Variants in PLEKHM1 observed in about 807,000 individuals in gnomAD.
PLEKHM1 encodes the protein pleckstrin homology domain-containing family M member 1.
PLEKHM1 carries 28 observed loss-of-function variants against 94.3 expected under a neutral mutation model. The ratio of observed to expected loss-of-function variants is 0.30; its 90% CI spans 0.22 to 0.41. The LOEUF is 0.41. Ranked by LOEUF, PLEKHM1 falls within the 10% of genes least tolerant of loss-of-function variation. PLEKHM1 has a pLI of 1.00. For synonymous variants in PLEKHM1, 424 were observed against 581.2 expected, an observed-to-expected ratio of 0.73 and a Z score of 3.89; for missense variants, 907 against 1,358.6, an observed-to-expected ratio of 0.67 and a Z score of 5.22.
chr17:45,480,710 C>T (rs2051924883), intron 2 of PLEKHM1, among the ~76,000 whole-genome samples: 1 of 152,214 alleles, frequency 6.6e-6, no homozygotes, highest in Admixed American at 6.5e-5. Context: ...TGACTTATTT[C>T]ACTTAGCATA....
Position 45,444,062 on chromosome 17 carries a change from C to T in PLEKHM1, c.2837+1408G>A, listed in dbSNP as rs2050527530. On this transcript the variant is annotated intron_variant, in intron 9 of 11. Coordinates refer to ENST00000430334, the MANE Select transcript of PLEKHM1 (RefSeq NM_014798.3). This position sits in a 1 kb window ranked among gnomAD's most constrained non-coding sequence, Gnocchi z 5.0. ...AGTACCCCTTGAGAGCCCCTGGGGA[C>T]CTGCTCGAGGCACACCCTGGCCCTG... Among the ~76,000 whole-genome samples, 4 of 152,248 alleles carry T rather than the reference C, an allele frequency of 2.6e-5. No homozygotes were observed. The South Asian group carries it at 8.3e-4, about 32-fold the overall frequency.
At position 45,445,343 on chromosome 17, in the gene PLEKHM1, A is replaced by G. The variant is rs2050570446; in HGVS notation, c.2837+127T>C. 4.0e-6 allele frequency: 3 copies of G among 743,528 alleles called. No homozygotes were observed. The highest frequency in any genetic ancestry group is 7.0e-6 in the Non-Finnish European group (3 of 430,516). 46.1% of individuals were successfully genotyped at this position (743,528 alleles called of 1,614,324 possible). The stretch of plus-strand genomic sequence containing the variant: ...TGTCTATGCATTTGTGTATAAATTT[A>G]TGTGTGTGGGTATGTGTGCACATGT... On this transcript the variant is annotated intron_variant, in intron 9 of 11. Coordinates refer to ENST00000430334, the MANE Select transcript of PLEKHM1 (RefSeq NM_014798.3). The surrounding 1 kb of genome is among the most constrained non-coding windows in gnomAD (Gnocchi z 4.2).
At chr17:45,470,933 T>C (rs1302623010) in intron 4 of PLEKHM1, among the ~76,000 whole-genome samples, 2 of 151,990 alleles carry the variant, frequency 1.3e-5, no homozygotes, top group Admixed American at 6.6e-5. Context: ...CACAAAGTGA[T>C]GGGATTACAG....
intron 3 of PLEKHM1, chr17:45,477,193 T>C (rs1240387817): frequency 6.4e-6 from 1 of 156,676 alleles, no homozygotes; most frequent in Non-Finnish European, 1.4e-5. Context: ...TCCCAGCACT[T>C]TGGGAGGCGG....
rs10221242 is a variant in PLEKHM1 at position 45,445,240 on chromosome 17, G to A, written c.2837+230C>T. 0.039 allele frequency among the ~76,000 whole-genome samples: 5,914 copies of A among 152,338 alleles called. 390 individuals carry two copies. Among genetic ancestry groups the A allele is most frequent in the African/African-American group, 0.14 (5,642 of 41,554 alleles). ...CCTCCAGGTGGACGCCTTGCCCTGG[G>A]CACTGCCCCTGTGTGTGTGTGCATG... is the stretch of plus-strand genomic sequence containing the variant. On this transcript the variant is annotated intron_variant, in intron 9 of 11. Coordinates refer to ENST00000430334, the MANE Select transcript of PLEKHM1 (RefSeq NM_014798.3). The surrounding 1 kb of genome is among the most constrained non-coding windows in gnomAD (Gnocchi z 4.2).
At chr17:45,464,051 G>A (rs2051239683) in intron 5 of PLEKHM1, 1 of 152,128 alleles carries the variant, frequency 6.6e-6, no homozygotes, top group African/African-American at 2.4e-5. Flanking sequence ...ATGGGCAGGT[G>A]GTCCATGGGG....
rs1409955812 is a variant in PLEKHM1 at position 45,436,204 on chromosome 17, G to A, written c.*1654C>T. 2.2e-6 allele frequency: 1 copy of A among 454,306 alleles called. No individual in the cohort carries two copies. Among genetic ancestry groups the A allele is most frequent in the Non-Finnish European group, 4.4e-6 (1 of 226,756 alleles). The allele number at this position is 454,306 out of a possible 1,614,324, so 28.1% of individuals were successfully genotyped here. On this transcript the variant is annotated 3_prime_UTR_variant, in exon 12 of 12. Transcript: ENST00000430334. Reference sequence around the variant, plus strand: ...CAGGCCCAAGCCCTCCCCAGGCCAGGCTCCTGCCCACTCAGGGATGGGGCA... The same window carrying A: ...CAGGCCCAAGCCCTCCCCAGGCCAGACTCCTGCCCACTCAGGGATGGGGCA...
At chr17:45,435,814 G>A (rs1397556030), downstream of PLEKHM1, 1 of 390,582 alleles carries the variant, frequency 2.6e-6, no homozygotes, top group Non-Finnish European at 5.1e-6. Context: ...ACTAACATGA[G>A]GGTAGGGGAC....
chr17:45,446,389 A>G (rs1282879620), intron 8 of PLEKHM1: 1 of 153,114 alleles, frequency 6.5e-6, no homozygotes, highest in African/African-American at 2.4e-5. Context: ...TAGATAAGGA[A>G]ACGGAGGCTT....
In PLEKHM1 at chr17:45,453,748, T is replaced by C. The variant is rs545282428; in HGVS notation, c.2104A>G (p.Ile702Val). ...AGAGCCTCCAAGGACAGAGAAAATATATAGGGCATCCAGGTCCTGTCCATG... is the reference window on the plus strand; with the variant it reads ...AGAGCCTCCAAGGACAGAGAAAATACATAGGGCATCCAGGTCCTGTCCATG... Reference protein sequence around the residue: ...LYMDRTWMPYIFSLSLEALKC... With the variant: ...LYMDRTWMPYVFSLSLEALKC... Residue 702 changes from isoleucine to valine, a missense_variant, in exon 7 of 12, where the codon ATA (isoleucine) becomes GTA (valine). Ile to Val is a conservative substitution (Grantham distance 29). Coordinates refer to ENST00000430334, the MANE Select transcript of PLEKHM1 (RefSeq NM_014798.3). The surrounding 1 kb of genome is among the most constrained non-coding windows in gnomAD (Gnocchi z 4.1). The C allele has an allele frequency of 6.2e-7, 1 of 1,613,918 alleles. No homozygotes were observed.
At position 45,472,000 on chromosome 17, in the gene PLEKHM1, A is replaced by G. The variant is rs78930192; in HGVS notation, c.923+3100T>C. ...TTTCTGCCAAACAGAACCGCTTTAT[A>G]TTAATAAATTTCATTTTGAATGTTG... is the stretch of plus-strand genomic sequence containing the variant. On this transcript the variant is annotated intron_variant, in intron 4 of 11. Coordinates refer to ENST00000430334, the MANE Select transcript of PLEKHM1 (RefSeq NM_014798.3). 4.8e-3 allele frequency among the ~76,000 whole-genome samples: 725 copies of G among 152,316 alleles called. 6 individuals carry two copies. The highest frequency in any genetic ancestry group is 0.017 in the African/African-American group (687 of 41,548).
At chr17:45,446,213 T>C (rs1223624600) in intron 8 of PLEKHM1, 3 of 180,780 alleles carry the variant, frequency 1.7e-5, no homozygotes, top group Non-Finnish European at 2.4e-5. Flanking sequence ...TCTCAGTCTC[T>C]CCTGGCTGAC....
intron 7 of PLEKHM1, among the ~76,000 whole-genome samples, chr17:45,451,248 C>G (rs1302121252): frequency 6.6e-6 from 1 of 152,226 alleles, no homozygotes; most frequent in African/African-American, 2.4e-5. Flanking sequence ...AGGGTCGGGG[C>G]TGGCAACAGG....
Position 45,436,182 on chromosome 17 carries a change from G to A in PLEKHM1, c.*1676C>T. 1 of 454,682 alleles carries A rather than the reference G, an allele frequency of 2.2e-6. No homozygotes were observed. 28.2% of individuals were successfully genotyped at this position (454,682 alleles called of 1,614,324 possible). On this transcript the variant is annotated 3_prime_UTR_variant, in exon 12 of 12. Coordinates refer to ENST00000430334, the MANE Select transcript of PLEKHM1 (RefSeq NM_014798.3). ...GCACCTTCGGGGAGAATCCTCACAG[G>A]CCCAAGCCCTCCCCAGGCCAGGCTC...
chr17:45,446,433 C>A (rs2050609501), intron 8 of PLEKHM1, among the ~76,000 whole-genome samples: 2 of 152,186 alleles, frequency 1.3e-5, no homozygotes, highest in Admixed American at 1.3e-4. Flanking sequence ...AACCTGCCTG[C>A]AGAACCTGCC....
intron 7 of PLEKHM1, among the ~76,000 whole-genome samples, chr17:45,451,978 G>C (rs2050787188): frequency 6.6e-6 from 1 of 152,218 alleles, no homozygotes. Context: ...TCCTCGCGGG[G>C]CCAACCGCAG....
intron 3 of PLEKHM1, chr17:45,476,095 G>A (rs1453890616): frequency 1.9e-5 from 6 of 321,924 alleles, no homozygotes; most frequent in South Asian, 1.6e-4. Flanking sequence ...AGGTCACAGT[G>A]AGCGGAGATT....
At chr17:45,477,482 C>A (rs2051789942) in intron 3 of PLEKHM1, 2 of 262,230 alleles carry the variant, frequency 7.6e-6, no homozygotes, top group African/African-American at 2.2e-5. Flanking sequence ...TAATCTAAGG[C>A]AGGGTCAGCA....
intron 8 of PLEKHM1, among the ~76,000 whole-genome samples, chr17:45,447,673 C>A (rs113744859): frequency 2.0e-5 from 3 of 152,168 alleles, no homozygotes; most frequent in African/African-American, 7.2e-5. Context: ...AATAAGGCCC[C>A]AAACCCGTGG....
Sources: gnomAD v4.1 joint callset for allele counts (sites outside exome capture counted in the v4.1 genomes callset) on GRCh38, gnomAD v4.1.1 for gene constraint, Gnocchi (gnomAD v3.1) non-coding constraint, MANE v1.5 for transcripts, NCBI Gene and HGNC (gene_info 2026-07-23, HGNC 2026-07-21) for gene names.